The following ZNF396 variants were observed in gnomAD, a reference collection of about 807,000 sequenced individuals.
ZNF396 encodes zinc finger protein 396, also known as zinc finger and SCAN domain-containing protein 14.
Under a neutral mutation model 20.5 loss-of-function variants are expected in ZNF396, and 14 were observed. That is an observed-to-expected ratio of 0.68 (90% CI 0.45 to 1.07). The LOEUF (loss-of-function observed/expected upper bound fraction) is 1.07. Among genes scored for constraint, ZNF396 ranks in the 50% least tolerant of loss-of-function variants. The probability of loss-of-function intolerance (pLI) is 0.00; values close to 1 mark genes in which losing one functional copy is unlikely to be tolerated. For missense variants in ZNF396, 347 were observed against 390.1 expected (o/e 0.89, Z 0.93); for synonymous variants, 119 against 140.6 (o/e 0.85, Z 1.08).
At chr18:35,373,736 G>T (rs1023502236) in intron 2 of ZNF396, 136 bp from the exon 3 acceptor site, 1 of 1,487,378 alleles carries the variant, frequency 6.7e-7, no homozygotes, top group Non-Finnish European at 9.0e-7. Flanking sequence ...CCTTCTATTT[G>T]CTGGGACACC....
At chr18:35,370,761 C>T (rs1289535838) in intron 3 of ZNF396, among the ~76,000 whole-genome samples, 1 of 151,938 alleles carries the variant, frequency 6.6e-6, no homozygotes, top group Non-Finnish European at 1.5e-5. Context: ...GATCCGCCCG[C>T]CTCGGCCTCC....
intron 3 of ZNF396, chr18:35,372,397 T>A (rs1355463108): frequency 6.6e-6 from 1 of 152,238 alleles, no homozygotes; most frequent in African/African-American, 2.4e-5. Flanking sequence ...GAGCCAGTAC[T>A]TGCCAAGTTA....
chr18:35,369,614 C>A lies in ZNF396; in HGVS notation c.609G>T (p.Lys203Asn). ...TTNVKSASRQ[K>N]TSLGIELHCN... ...AATGCAGTTCTATGCCTAAAGAAGT[C>A]TTTTGCCTTGAAGCAGATTTCACAT... The change falls in exon 4 of 4, where the codon AAG becomes AAT. Residue 203 changes from lysine (K) to asparagine (N), a missense_variant. Transcript: ENST00000589332. 6.2e-7 allele frequency: 1 copy of A among 1,608,652 alleles called. No homozygotes were observed. Among genetic ancestry groups the A allele is most frequent in the Non-Finnish European group, 8.5e-7 (1 of 1,178,486 alleles).
Position 35,369,522 on chromosome 18 carries a change from T to C in ZNF396, c.701A>G (p.Gln234Arg). ...QSSTYRGTYE[Q>R]DGRFEKRQGN... ...TTGTCTCTTTTCAAACCTACCATCTTGTTCATAGGTTCCTCTATATGTGGA... is the reference window on the plus strand; with the variant it reads ...TTGTCTCTTTTCAAACCTACCATCTCGTTCATAGGTTCCTCTATATGTGGA... Residue 234 changes from glutamine to arginine, a missense_variant, in exon 4 of 4, where the codon CAA (glutamine) becomes CGA (arginine). Coordinates refer to ENST00000589332, the MANE Select transcript of ZNF396 (RefSeq NM_001322286.2). 6.2e-7 allele frequency: 1 copy of C among 1,614,138 alleles called. No homozygotes were observed. Among genetic ancestry groups the C allele is most frequent in the East Asian group, 2.2e-5 (1 of 44,888 alleles).
rs1451533350 is a variant in ZNF396, at chr18:35,367,090, T to C, written c.*2125A>G. 3.3e-5 allele frequency: 5 copies of C among 152,220 alleles called. No homozygotes were observed. Among genetic ancestry groups the C allele is most frequent in the Non-Finnish European group, 7.3e-5 (5 of 68,036 alleles). 9.4% of individuals were successfully genotyped at this position (152,220 alleles called of 1,614,324 possible). A position where few individuals can be genotyped will look rare whatever the true frequency, so the allele number is the denominator to read the frequency against. ...AGCAGTAATTCACAATATATACATC[T>C]CTGAGGCACTTGTTGTTTCAATAGA... On this transcript the variant is annotated 3_prime_UTR_variant, in exon 4 of 4. Coordinates refer to ENST00000589332, the MANE Select transcript of ZNF396 (RefSeq NM_001322286.2).
In ZNF396 at chr18:35,368,776, A is replaced by G. The variant is rs1329317329; in HGVS notation, c.*439T>C. ...CCAGGAATTCTTTTTGAGTGCTTTA[A>G]TTTTTGGTCTTTAGAATTCTAGTGC... On this transcript the variant is annotated 3_prime_UTR_variant, in exon 4 of 4. Transcript: ENST00000589332. 1 of 990,284 alleles carries G rather than the reference A, an allele frequency of 1.0e-6. No homozygotes were observed. The highest frequency in any genetic ancestry group is 1.7e-5 in the African/African-American group (1 of 57,350). The allele number at this position is 990,284 out of a possible 1,614,324, so 61.3% of individuals were successfully genotyped here. A position where few individuals can be genotyped will look rare whatever the true frequency, so the allele number is the denominator to read the frequency against.
intron 3 of ZNF396, among the ~76,000 whole-genome samples, chr18:35,371,066 GAGA>G (rs1337871444): frequency 6.6e-6 from 1 of 152,174 alleles, no homozygotes; most frequent in Non-Finnish European, 1.5e-5. Flanking sequence ...GTAGTCTGGG[GAGA>G]AGAATTAGTG....
Position 35,374,572 on chromosome 18 carries a change from C to T in ZNF396, c.-72-208G>A. 1 of 226,274 alleles carries T rather than the reference C, an allele frequency of 4.4e-6. No homozygotes were observed. Among genetic ancestry groups the T allele is most frequent in the South Asian group, 6.7e-5 (1 of 15,004 alleles). The allele number at this position is 226,274 out of a possible 1,614,324, so 14.0% of individuals were successfully genotyped here. On this transcript the variant is annotated intron_variant, in intron 1 of 3. Coordinates refer to ENST00000589332, the MANE Select transcript of ZNF396 (RefSeq NM_001322286.2). This position sits in a 1 kb window ranked among gnomAD's most constrained non-coding sequence, Gnocchi z 4.3. The stretch of plus-strand genomic sequence containing the variant: ...AGTGCAATGGTGTGATCTCGGCTCA[C>T]TGCAACCTCTGCCTCCTGGGTTCAA...
In ZNF396 at chr18:35,374,097, G is replaced by A; in HGVS notation, c.196C>T (p.Pro66Ser). 1 of 1,614,242 alleles carries A rather than the reference G, an allele frequency of 6.2e-7. No homozygotes were observed. The highest frequency in any genetic ancestry group is 8.5e-7 in the Non-Finnish European group (1 of 1,180,054). The part of the protein sequence containing the change: ...RQFGYQDSPG[P>S]HEALSRLWEL... ...CAGAGCCGGCTCAGAGCCTCATGGG[G>A]CCCAGGTGAATCCTGGTAGCCAAAC... is the stretch of plus-strand genomic sequence containing the variant. Residue 66 changes from proline to serine, a missense_variant, in exon 2 of 4, where the codon CCC becomes TCC. Transcript: ENST00000589332. The surrounding 1 kb of genome is among the most constrained non-coding windows in gnomAD (Gnocchi z 4.3).
chr18:35,372,660 C>CT (rs2045198522), intron 3 of ZNF396: 1 of 152,094 alleles, frequency 6.6e-6, no homozygotes, highest in Non-Finnish European at 1.5e-5. Flanking sequence ...TCAGAGAGGC[C>CT]TTTCTACCAC....
chr18:35,375,413 A>G (rs1794540464), intron 1 of ZNF396, among the ~76,000 whole-genome samples: 1 of 152,066 alleles, frequency 6.6e-6, no homozygotes, highest in Admixed American at 6.6e-5. Flanking sequence ...GTTGTTTCTA[A>G]TTTCACTATT....
At position 35,369,279 on chromosome 18, in the gene ZNF396, G is replaced by A. The variant is rs867840508; in HGVS notation, c.944C>T (p.Ala315Val). ...AAAAAGATTTGAGCTCTGACTAAAG[G>A]CTTTGCCACAGTCATGACACTTGTA... is the stretch of plus-strand genomic sequence containing the variant. ...KPYKCHDCGKAFSQSSNLFRH... is the reference protein window; with the variant it reads ...KPYKCHDCGKVFSQSSNLFRH... Residue 315 changes from alanine to valine, a missense_variant, in exon 4 of 4, where the codon GCC (alanine) becomes GTC (valine). Physicochemically the swap from Ala to Val is moderately conservative, Grantham distance 64. Coordinates refer to ENST00000589332, the MANE Select transcript of ZNF396 (RefSeq NM_001322286.2). 3 of 1,613,738 alleles carry A rather than the reference G, an allele frequency of 1.9e-6. No individual in the cohort carries two copies. Among genetic ancestry groups the A allele is most frequent in the Non-Finnish European group, 2.5e-6 (3 of 1,179,940 alleles).
rs201364893 is a variant in ZNF396 at position 35,373,561 on chromosome 18, G to A, written c.457C>T (p.Leu153=). 2.5e-6 allele frequency: 4 copies of A among 1,614,186 alleles called. No individual in the cohort carries two copies. The East Asian group carries it at 6.7e-5, about 27-fold the overall frequency. Reference sequence around the variant, plus strand: ...TCCTCAGTGATTTCTGAAGGTGCTAGCTTCTCTGCAATCATGTCCTTCCTT... The same window carrying A: ...TCCTCAGTGATTTCTGAAGGTGCTAACTTCTCTGCAATCATGTCCTTCCTT... ...GRRKDMIAEK[L]APSEITEELP... Residue 153 remains leucine (L), a synonymous_variant, in exon 3 of 4, where the codon CTA becomes TTA. Coordinates refer to ENST00000589332, the MANE Select transcript of ZNF396 (RefSeq NM_001322286.2).
In ZNF396 at chr18:35,367,388, T is replaced by G. The variant is rs2045110354; in HGVS notation, c.*1827A>C. On this transcript the variant is annotated 3_prime_UTR_variant, in exon 4 of 4. Coordinates refer to ENST00000589332, the MANE Select transcript of ZNF396 (RefSeq NM_001322286.2). The stretch of plus-strand genomic sequence containing the variant: ...CAGTTTCTGGAGATACTCTAAGATA[T>G]GGTTGGATTTTCTGAGAATGAAATG... The G allele has an allele frequency of 6.6e-6, 1 of 152,234 alleles. No homozygotes were observed. The highest frequency in any genetic ancestry group is 2.4e-5 in the African/African-American group (1 of 41,462). 9.4% of individuals were successfully genotyped at this position (152,234 alleles called of 1,614,324 possible). A position where few individuals can be genotyped will look rare whatever the true frequency, so the allele number is the denominator to read the frequency against.
At position 35,369,363 on chromosome 18, in the gene ZNF396, G is replaced by T; in HGVS notation, c.860C>A (p.Ala287Glu). 1.9e-6 allele frequency: 3 copies of T among 1,614,222 alleles called. No homozygotes were observed. Among genetic ancestry groups the T allele is most frequent in the Non-Finnish European group, 2.5e-6 (3 of 1,180,052 alleles). The part of the protein sequence containing the change: ...KPYACDECAK[A>E]FSRSAILIQH... ...AATCAGAATTGCGCTTCGGCTGAAT[G>T]CCTTTGCACACTCGTCACATGCATA... Residue 287 changes from alanine (A) to glutamate (E), a missense_variant, in exon 4 of 4, where the codon GCA becomes GAA. By Grantham distance (107) the Ala-to-Glu change is moderately radical. Coordinates refer to ENST00000589332, the MANE Select transcript of ZNF396 (RefSeq NM_001322286.2).
At chr18:35,373,784 A>G (rs1441151218) in intron 2 of ZNF396, 92 bp downstream of exon 2, 3 of 1,522,734 alleles carry the variant, frequency 2.0e-6, no homozygotes. Flanking sequence ...AGTTGTGCTG[A>G]GTGGGAATAC....
chr18:35,369,275 A>C lies in ZNF396; in HGVS notation c.948T>G (p.Phe316Leu). 6.2e-7 allele frequency: 1 copy of C among 1,613,724 alleles called. No homozygotes were observed. Among genetic ancestry groups the C allele is most frequent in the South Asian group, 1.1e-5 (1 of 90,952 alleles). The change falls in exon 4 of 4, where the codon TTT becomes TTG. Residue 316 changes from phenylalanine to leucine, a missense_variant. Transcript: ENST00000589332. ...PYKCHDCGKA[F>L]SQSSNLFRHR... ...GTCTAAAAAGATTTGAGCTCTGACT[A>C]AAGGCTTTGCCACAGTCATGACACT...
chr18:35,376,541 C>T (rs1480297714), intron 1 of ZNF396, among the ~76,000 whole-genome samples: 1 of 152,120 alleles, frequency 6.6e-6, no homozygotes, highest in Admixed American at 6.5e-5. Flanking sequence ...TTGTGGTGAC[C>T]CCTGCGCGTT....
chr18:35,373,905 C>T lies in ZNF396; in HGVS notation c.388G>A (p.Val130Met). 11 of 1,613,926 alleles carry T rather than the reference C, an allele frequency of 6.8e-6. No homozygotes were observed. Among genetic ancestry groups the T allele is most frequent in the Non-Finnish European group, 9.3e-6 (11 of 1,179,842 alleles). ...GEETVTMLEDVERELDGPKQI... is the reference protein window; with the variant it reads ...GEETVTMLEDMERELDGPKQI... ...TTTGGTCCATCAAGCTCTCTCTCCA[C>T]ATCCTCCAGCATAGTCACAGTTTCC... is the stretch of plus-strand genomic sequence containing the variant. The change falls in exon 2 of 4, where the codon GTG becomes ATG. Residue 130 changes from valine (V) to methionine (M), a missense_variant. Physicochemically the swap from Val to Met is conservative, Grantham distance 21 (BLOSUM62 1). Transcript: ENST00000589332.
Sources: gnomAD v4.1 joint callset for allele counts (sites outside exome capture counted in the v4.1 genomes callset) on GRCh38, gnomAD v4.1.1 for gene constraint, Gnocchi (gnomAD v3.1) non-coding constraint, MANE v1.5 for transcripts, NCBI Gene and HGNC (gene_info 2026-07-23, HGNC 2026-07-21) for gene names.